SYT14: variants seen among roughly 807,000 people sequenced by gnomAD.
SYT14 encodes synaptotagmin 14.
A neutral mutation model predicts 74.2 loss-of-function variants in SYT14; 32 were observed. The observed-to-expected ratio is 0.43, with a 90% confidence interval of 0.33 to 0.58. SYT14 has a LOEUF of 0.58. SYT14 is among the 20% of genes least tolerant of loss of function. The pLI is 0.05. For missense variants in SYT14, 791 were observed against 981.8 expected (o/e 0.81, Z 2.60); for synonymous variants, 298 against 337.7 (o/e 0.88, Z 1.29).
At chr1:210,156,073 T>C (rs1165536996) in intron 8 of SYT14, among the ~76,000 whole-genome samples, 163 bp downstream of exon 7, 2 of 152,204 alleles carry the variant, frequency 1.3e-5, no homozygotes, top group Non-Finnish European at 2.9e-5. Flanking sequence ...ATTTGGGAAG[T>C]AGAAAAATTT....
chr1:210,033,096 A>G (rs1054702653), intron 5 of SYT14, among the ~76,000 whole-genome samples: 19 of 151,904 alleles, frequency 1.3e-4, no homozygotes, highest in Non-Finnish European at 2.4e-4. Flanking sequence ...TGTTCAGATG[A>G]TAATGTCAGA....
At chr1:209,981,285 A>G (rs987221454) in intron 2 of SYT14, among the ~76,000 whole-genome samples, 3 of 152,072 alleles carry the variant, frequency 2.0e-5, no homozygotes, top group African/African-American at 7.2e-5. Flanking sequence ...TTAGAATTCC[A>G]TTAAGGATCT....
chr1:210,113,248 G>A (rs1332659170), intron 7 of SYT14, among the ~76,000 whole-genome samples: 1 of 151,152 alleles, frequency 6.6e-6, no homozygotes, highest in East Asian at 1.9e-4. Flanking sequence ...ATGGAAAGGG[G>A]AGTGGGGAAA....
At chr1:210,035,602 G>A (rs1467646876) in intron 5 of SYT14, among the ~76,000 whole-genome samples, 1 of 151,910 alleles carries the variant, frequency 6.6e-6, no homozygotes, top group Non-Finnish European at 1.5e-5. Flanking sequence ...TGTCATGAGG[G>A]ATAGGGGTCC....
chr1:209,942,685 TA>T (rs1009045268), intron 1 of SYT14, among the ~76,000 whole-genome samples: 1 of 152,212 alleles, frequency 6.6e-6, no homozygotes, highest in Non-Finnish European at 1.5e-5. Context: ...CTGAGTTTCT[TA>T]AAACCTCAAG....
intron 5 of SYT14, among the ~76,000 whole-genome samples, chr1:210,053,340 A>C (rs1195636578): frequency 6.6e-6 from 1 of 152,200 alleles, no homozygotes; most frequent in African/African-American, 2.4e-5. Context: ...TGTGTGCTGA[A>C]GTAATAGTAG....
rs527331839 is a variant in SYT14 at position 210,043,934 on chromosome 1, G to A, written c.1312+22680G>A. ...CCAGATTTTTTATTAGGATAATACC[G>A]AGAATTTCTGTAATATGGGCATGGA... On this transcript the variant is annotated intron_variant, in intron 5 of 9. Transcript: ENST00000637265. 3.9e-5 allele frequency among the ~76,000 whole-genome samples: 6 copies of A among 152,056 alleles called. No individual in the cohort carries two copies. The East Asian group carries it at 1.2e-3, about 29-fold the overall frequency.
intron 5 of SYT14, among the ~76,000 whole-genome samples, chr1:210,080,274 T>C (rs1487498020): frequency 6.6e-6 from 1 of 152,142 alleles, no homozygotes; most frequent in Non-Finnish European, 1.5e-5. Context: ...CCCTCCAGTG[T>C]CCCCTAAAAG....
At chr1:210,014,079 G>A (rs2080138652) in intron 3 of SYT14, among the ~76,000 whole-genome samples, 1 of 152,144 alleles carries the variant, frequency 6.6e-6, no homozygotes, top group Non-Finnish European at 1.5e-5. Flanking sequence ...AGATACACTT[G>A]AGGAAGAAGG....
chr1:210,070,173 C>T (rs1178506331), intron 5 of SYT14, among the ~76,000 whole-genome samples: 1 of 152,030 alleles, frequency 6.6e-6, no homozygotes, highest in Non-Finnish European at 1.5e-5. Context: ...ATCTCCTCCC[C>T]GACTGTGCCG....
At chr1:209,988,063 C>CAAGAAA (rs2079601516) in intron 2 of SYT14, among the ~76,000 whole-genome samples, 1 of 152,096 alleles carries the variant, frequency 6.6e-6, no homozygotes, top group African/African-American at 2.4e-5. Flanking sequence ...CTTTTCTCAT[C>CAAGAAA]TCTTTTGTGG....
intron 1 of SYT14, among the ~76,000 whole-genome samples, chr1:209,941,925 A>G (rs1387462941): frequency 6.6e-6 from 1 of 152,320 alleles, no homozygotes; most frequent in Non-Finnish European, 1.5e-5. Context: ...ACTTTAAATC[A>G]TCTCCAGTCT....
chr1:209,996,646 C>G (rs1329423253), intron 2 of SYT14, among the ~76,000 whole-genome samples: 1 of 151,944 alleles, frequency 6.6e-6, no homozygotes. Context: ...CTGGCAAAGA[C>G]ACAACAAAAA....
chr1:209,984,963 C>T (rs1156237058), intron 2 of SYT14, among the ~76,000 whole-genome samples: 28 of 152,164 alleles, frequency 1.8e-4, no homozygotes, highest in Non-Finnish European at 1.5e-5. Flanking sequence ...CCCTCAGTAC[C>T]TAAACACCTC....
chr1:210,021,001 T>C (rs996811127), intron 4 of SYT14, 38 bp from the exon 4 acceptor site: 1 of 1,598,602 alleles, frequency 6.3e-7, no homozygotes, highest in Non-Finnish European at 8.6e-7. Flanking sequence ...GGAATTTTTT[T>C]TTCAATTACC....
intron 5 of SYT14, among the ~76,000 whole-genome samples, chr1:210,063,034 T>C (rs1049602747): frequency 6.7e-6 from 1 of 150,244 alleles, no homozygotes; most frequent in African/African-American, 2.5e-5. Context: ...TTTTTTTTTT[T>C]AACATTGATG....
chr1:209,990,551 A>ATATATACGTATATATACG, intron 2 of SYT14, among the ~76,000 whole-genome samples: 1 of 113,118 alleles, frequency 8.8e-6, no homozygotes, highest in East Asian at 3.0e-4. Flanking sequence ...ATATATATGT[A>ATATATACGTATATATACG]TATATATACG....
chr1:210,071,770 A>AT (rs2081398898), intron 5 of SYT14, among the ~76,000 whole-genome samples: 1 of 96,636 alleles, frequency 1.0e-5, no homozygotes, highest in Non-Finnish European at 1.8e-5. Context: ...TAATCCGAAT[A>AT]ATTTTACTGA....
chr1:210,087,483 T>C (rs567077256), intron 5 of SYT14, among the ~76,000 whole-genome samples: 6 of 152,306 alleles, frequency 3.9e-5, no homozygotes, highest in Admixed American at 3.9e-4. Context: ...TTATCTTGTT[T>C]GGGCTCTGTT....
Sources: gnomAD v4.1 joint callset for allele counts (sites outside exome capture counted in the v4.1 genomes callset) on GRCh38, gnomAD v4.1.1 for gene constraint, MANE v1.5 for transcripts, NCBI Gene and HGNC (gene_info 2026-07-23, HGNC 2026-07-21) for gene names.